The following SH3D19 variants were observed in gnomAD, a reference collection of about 807,000 sequenced individuals.
SH3D19 encodes SH3 domain-containing protein 19.
A neutral mutation model predicts 112.1 loss-of-function variants in SH3D19; 58 were observed. The ratio of observed to expected loss-of-function variants is 0.52; its 90% CI spans 0.42 to 0.64. SH3D19 has a LOEUF of 0.64. Ranked by LOEUF, SH3D19 falls within the 30% of genes least tolerant of loss-of-function variation. SH3D19 has a pLI of 0.00. For synonymous variants in SH3D19, 391 were observed against 448.5 expected (o/e 0.87, Z 1.62); for missense variants, 1,090 against 1,263.4 (o/e 0.86, Z 2.08).
intron 1 of SH3D19, among the ~76,000 whole-genome samples, chr4:151,237,145 G>A (rs961445687): frequency 6.6e-6 from 1 of 152,210 alleles, no homozygotes; most frequent in Middle Eastern, 3.4e-3. Context: ...AAGCCAGCGA[G>A]ACCACGAACC....
intron 2 of SH3D19, among the ~76,000 whole-genome samples, chr4:151,202,863 GGACATTTTGCTTCCA>G (rs1399554175): frequency 6.6e-6 from 1 of 152,176 alleles, no homozygotes; most frequent in Non-Finnish European, 1.5e-5. Flanking sequence ...TGATAAAGTT[GGACATTTTGCTTCCA>G]GACAAATATT....
At chr4:151,129,073 CT>C (rs1750047759) in intron 17 of SH3D19, among the ~76,000 whole-genome samples, 1 of 152,176 alleles carries the variant, frequency 6.6e-6, no homozygotes, top group South Asian at 2.1e-4. Flanking sequence ...TGAAGCTCTT[CT>C]TTATTTAAAT....
intron 9 of SH3D19, among the ~76,000 whole-genome samples, chr4:151,157,683 A>G (rs1027849304): frequency 2.6e-5 from 4 of 151,880 alleles, no homozygotes; most frequent in Admixed American, 1.3e-4. Flanking sequence ...TACGGAATCA[A>G]CCTAGGTGTC....
chr4:151,281,698 T>TA (rs1487092106), intron 1 of SH3D19, among the ~76,000 whole-genome samples: 2 of 150,106 alleles, frequency 1.3e-5, no homozygotes, highest in African/African-American at 4.9e-5. Flanking sequence ...TTTATTTATT[T>TA]TGTACATCTT....
At chr4:151,274,841 T>G (rs1455803771) in intron 1 of SH3D19, among the ~76,000 whole-genome samples, 1 of 152,212 alleles carries the variant, frequency 6.6e-6, no homozygotes, top group Non-Finnish European at 1.5e-5. Context: ...GATCAAGGTA[T>G]CAGCATGGCT....
chr4:151,312,641 G>A (rs1561452983), intron 1 of SH3D19, among the ~76,000 whole-genome samples: 1 of 152,112 alleles, frequency 6.6e-6, no homozygotes, highest in Admixed American at 6.5e-5. Context: ...GCTCACACCT[G>A]TAATCACGGC....
intron 2 of SH3D19, among the ~76,000 whole-genome samples, chr4:151,205,429 C>T (rs1156546717): frequency 6.6e-6 from 1 of 152,174 alleles, no homozygotes; most frequent in Non-Finnish European, 1.5e-5. Flanking sequence ...GTAGGACCAT[C>T]CCCCTGATGG....
intron 16 of SH3D19, among the ~76,000 whole-genome samples, 174 bp from the exon 17 acceptor site, chr4:151,132,557 G>A (rs1481341971): frequency 1.3e-5 from 2 of 152,206 alleles, no homozygotes; most frequent in Admixed American, 1.3e-4. Context: ...CACTGAGCTT[G>A]TTTAGTTAAT....
intron 1 of SH3D19, among the ~76,000 whole-genome samples, chr4:151,293,655 A>T (rs1775510687): frequency 6.6e-6 from 1 of 152,142 alleles, no homozygotes; most frequent in South Asian, 2.1e-4. Context: ...CATTCAGATT[A>T]GTGTTTTAAA....
At chr4:151,298,181 A>ATTTTTTTTT (rs386401883) in intron 1 of SH3D19, among the ~76,000 whole-genome samples, 5 of 94,886 alleles carry the variant, frequency 5.3e-5, no homozygotes, top group African/African-American at 1.3e-4. Context: ...AGAATAATAA[A>ATTTTTTTTT]TTTTTTTTTT....
Position 151,198,399 on chromosome 4 carries a change from C to T in SH3D19, c.153-10936G>A, listed in dbSNP as rs1395070336. ...AAATTATATAATATATAATATATAT[C>T]ATATATTATATATTATATAAAATAT... is the stretch of plus-strand genomic sequence containing the variant. On this transcript the variant is annotated intron_variant, in intron 2 of 19. Transcript: ENST00000604030. Among the ~76,000 whole-genome samples the T allele has an allele frequency of 1.6e-4, 21 of 132,546 alleles. No homozygotes were observed. The East Asian group carries it at 2.8e-3, about 17-fold the overall frequency. 87.0% of individuals were successfully genotyped at this position (132,546 alleles called of 152,430 possible). A position where few individuals can be genotyped will look rare whatever the true frequency, so the allele number is the denominator to read the frequency against.
At chr4:151,231,645 A>G (rs563942953) in intron 1 of SH3D19, among the ~76,000 whole-genome samples, 1 of 152,338 alleles carries the variant, frequency 6.6e-6, no homozygotes, top group South Asian at 2.1e-4. Context: ...AAGCCAAGAA[A>G]TTAAAGAGGG....
At chr4:151,240,462 C>T (rs1267135300) in intron 1 of SH3D19, among the ~76,000 whole-genome samples, 8 of 151,370 alleles carry the variant, frequency 5.3e-5, no homozygotes, top group Middle Eastern at 3.4e-3. Context: ...GTTTCATAAG[C>T]AGAAGGTACT....
intron 9 of SH3D19, among the ~76,000 whole-genome samples, chr4:151,157,124 C>T (rs560903679): frequency 3.7e-4 from 56 of 152,094 alleles, no homozygotes; most frequent in African/African-American, 1.2e-3. Flanking sequence ...TGGTGGCATG[C>T]GCCTATAGTT....
intron 1 of SH3D19, among the ~76,000 whole-genome samples, chr4:151,316,439 C>T (rs772524688): frequency 6.6e-6 from 1 of 152,112 alleles, no homozygotes; most frequent in African/African-American, 2.4e-5. Flanking sequence ...TTTAATCATA[C>T]ATCAATATTA....
intron 1 of SH3D19, among the ~76,000 whole-genome samples, chr4:151,256,936 T>TA (rs1293344867): frequency 6.6e-6 from 1 of 151,718 alleles, no homozygotes; most frequent in Non-Finnish European, 1.5e-5. Flanking sequence ...AGACAGGGTT[T>TA]TTGCCATTTT....
intron 7 of SH3D19, among the ~76,000 whole-genome samples, chr4:151,169,439 A>G (rs962884341): frequency 1.1e-4 from 16 of 152,074 alleles, no homozygotes; most frequent in Non-Finnish European, 2.1e-4. Flanking sequence ...CTCTGTCTGC[A>G]TGTTGTCTGG....
intron 1 of SH3D19, among the ~76,000 whole-genome samples, chr4:151,310,266 C>A (rs77765978): frequency 9.3e-5 from 14 of 150,792 alleles, no homozygotes; most frequent in African/African-American, 3.4e-4. Flanking sequence ...CCCAGCTACT[C>A]GGGAGGCTGA....
chr4:151,216,158 T>G (rs1767066457), intron 2 of SH3D19, among the ~76,000 whole-genome samples: 1 of 152,188 alleles, frequency 6.6e-6, no homozygotes, highest in Non-Finnish European at 1.5e-5. Context: ...CAAGACTGAA[T>G]TCCGATCAAC....
Sources: allele counts gnomAD v4.1 joint callset (sites outside exome capture counted in the v4.1 genomes callset), GRCh38; gene constraint gnomAD v4.1.1; transcripts MANE v1.5; gene names NCBI Gene and HGNC (gene_info 2026-07-23, HGNC 2026-07-21).